FANCM: variants seen among roughly 807,000 people sequenced by gnomAD.
FANCM encodes FA complementation group M.
In FANCM, 140 loss-of-function variants were observed where a neutral mutation model predicts 199.5. The observed-to-expected ratio is 0.70, with a 90% confidence interval of 0.61 to 0.81. The LOEUF is 0.81. Ranked by LOEUF, FANCM falls within the 30% of genes least tolerant of loss-of-function variation. FANCM has a pLI of 0.00. For missense variants in FANCM, 2,410 were observed against 2,421.4 expected, an observed-to-expected ratio of 1.00 and a Z score of 0.10; for synonymous variants, 840 against 836.8, an observed-to-expected ratio of 1.00 and a Z score of -0.07.
In FANCM at chr14:45,176,882, A is replaced by G; in HGVS notation, c.4128A>G (p.Ala1376=). ...EKVNLQRFKE[A]LNSTFDYSEF... ...TAAACCTACAAAGATTCAAAGAAGC[A>G]TTGAATTCAACTTTTGATTATTCAG... Residue 1376 remains alanine (A), a synonymous_variant, in exon 14 of 23, where the codon GCA becomes GCG. Coordinates refer to ENST00000267430, the MANE Select transcript of FANCM (RefSeq NM_020937.4). The G allele has an allele frequency of 6.2e-7, 1 of 1,609,092 alleles. No individual in the cohort carries two copies. Among genetic ancestry groups the G allele is most frequent in the Non-Finnish European group, 8.5e-7 (1 of 1,176,054 alleles).
intron 19 of FANCM, among the ~76,000 whole-genome samples, chr14:45,188,315 G>A (rs1485103326): frequency 2.6e-5 from 4 of 152,106 alleles, no homozygotes; most frequent in African/African-American, 9.7e-5. Context: ...CTCCAGCCTG[G>A]GCGACAAGAG....
At chr14:45,160,387 A>G (rs969170193) in intron 9 of FANCM, among the ~76,000 whole-genome samples, 3 of 149,268 alleles carry the variant, frequency 2.0e-5, no homozygotes, top group African/African-American at 4.9e-5. Context: ...CAGTGGCCCA[A>G]TCTCGAGTCA....
chr14:45,176,535 G>A lies in FANCM; in HGVS notation c.3781G>A (p.Gly1261Arg), dbSNP rs2139251208. The change falls in exon 14 of 23, where the codon GGA becomes AGA. Residue 1261 changes from glycine to arginine, a missense_variant. By Grantham distance (125) the Gly-to-Arg change is moderately radical (BLOSUM62 -2). Transcript: ENST00000267430. ...DSNRPLDDLY[G>R]RYLEIKEISD... ...CAATAGACCTCTAGATGATCTATAT[G>A]GAAGGTATTTGGAAATTAAGGAGAT... 1 of 1,600,968 alleles carries A rather than the reference G, an allele frequency of 6.2e-7. No homozygotes were observed. Among genetic ancestry groups the A allele is most frequent in the Non-Finnish European group, 8.5e-7 (1 of 1,173,404 alleles).
rs148900115 is a variant in FANCM, at chr14:45,189,089, G to T, written c.5067G>T (p.Ala1689=). 1 of 1,613,966 alleles carries T rather than the reference G, an allele frequency of 6.2e-7. No homozygotes were observed. Among genetic ancestry groups the T allele is most frequent in the African/African-American group, 1.3e-5 (1 of 74,908 alleles). ...NVNDKRESNI[A]VNPSTVKKNK... is the part of the protein sequence containing the mutation. ...ATGATAAAAGAGAATCTAATATTGC[G>T]GTTAACCCAAGCACTGTTAAGAAGA... Residue 1689 remains alanine (A), a synonymous_variant, in exon 20 of 23, where the codon GCG becomes GCT. Coordinates refer to ENST00000267430, the MANE Select transcript of FANCM (RefSeq NM_020937.4).
chr14:45,150,986 G>C (rs1301656635), intron 4 of FANCM, among the ~76,000 whole-genome samples: 7 of 152,166 alleles, frequency 4.6e-5, no homozygotes. Flanking sequence ...AATTTATTCA[G>C]TACTTTACAA....
intron 20 of FANCM, among the ~76,000 whole-genome samples, chr14:45,192,027 A>G (rs1889797431): frequency 6.6e-6 from 1 of 151,954 alleles, no homozygotes; most frequent in Admixed American, 6.6e-5. Flanking sequence ...CCTTCATTAC[A>G]TTTATTATTC....
chr14:45,173,169 A>G lies in FANCM; in HGVS notation c.2275A>G (p.Ile759Val), dbSNP rs1431873616. 2 of 1,613,692 alleles carry G rather than the reference A, an allele frequency of 1.2e-6. No homozygotes were observed. Among genetic ancestry groups the G allele is most frequent in the Non-Finnish European group, 1.7e-6 (2 of 1,179,768 alleles). ...VDHSDRCRHF[I>V]GLMQMIEGMR... ...TCACTCAGATCGATGCCGCCATTTT[A>G]TAGGCCTTATGCAAATGATAGAGGG... Residue 759 changes from isoleucine (I) to valine (V), a missense_variant, in exon 13 of 23, where the codon ATA (isoleucine) becomes GTA (valine). Transcript: ENST00000267430.
At chr14:45,156,109 G>T (rs1887170642) in intron 8 of FANCM, among the ~76,000 whole-genome samples, 1 of 152,152 alleles carries the variant, frequency 6.6e-6, no homozygotes, top group Non-Finnish European at 1.5e-5. Context: ...GGTTATAGAA[G>T]ACTTCTCTGT....
At position 45,155,361 on chromosome 14, in the gene FANCM, G is replaced by A. The variant is rs758274929; in HGVS notation, c.1310-12G>A. Reference sequence around the variant, plus strand: ...AACAGAAAAAAATTTTGATATTTTTGTTTTGTTCCAGGAGATAAAAATAAA... The same window carrying A: ...AACAGAAAAAAATTTTGATATTTTTATTTTGTTCCAGGAGATAAAAATAAA... On this transcript the variant is annotated splice_polypyrimidine_tract_variant and intron_variant, in intron 7 of 22. Transcript: ENST00000267430. The A allele has an allele frequency of 8.7e-6, 10 of 1,154,892 alleles. No homozygotes were observed. Among genetic ancestry groups the A allele is most frequent in the South Asian group, 6.3e-5 (5 of 79,068 alleles). 71.5% of individuals were successfully genotyped at this position (1,154,892 alleles called of 1,614,324 possible).
intron 16 of FANCM, 76 bp downstream of exon 16, chr14:45,181,781 A>T (rs934980153): frequency 8.2e-6 from 7 of 848,560 alleles, no homozygotes; most frequent in Non-Finnish European, 1.4e-5. Context: ...ATATGTGTAG[A>T]TAAATATAGG....
Position 45,188,937 on chromosome 14 carries a change from A to G in FANCM, c.4915A>G (p.Lys1639Glu). The G allele has an allele frequency of 6.2e-7, 1 of 1,613,994 alleles. No individual in the cohort carries two copies. The highest frequency in any genetic ancestry group is 1.1e-5 in the South Asian group (1 of 91,050). ...LITDDCFANS[K>E]KYKTRRAVML... The stretch of plus-strand genomic sequence containing the variant: ...AACTGATGATTGCTTTGCAAATAGT[A>G]AAAAGTATAAAACTCGACGTGCAGT... Residue 1639 changes from lysine (K) to glutamate (E), a missense_variant, in exon 20 of 23, where the codon AAA becomes GAA. Coordinates refer to ENST00000267430, the MANE Select transcript of FANCM (RefSeq NM_020937.4).
At chr14:45,181,306 G>T in intron 14 of FANCM, 124 bp from the exon 15 acceptor site, 1 of 620,248 alleles carries the variant, frequency 1.6e-6, no homozygotes, top group Non-Finnish European at 2.8e-6. Flanking sequence ...ATCTTTTTTT[G>T]AAAGTGAATA....
At chr14:45,165,958 C>T (rs552583075) in intron 10 of FANCM, among the ~76,000 whole-genome samples, 3 of 151,912 alleles carry the variant, frequency 2.0e-5, no homozygotes, top group Admixed American at 6.6e-5. Flanking sequence ...TGTAGAAAAA[C>T]GAACAAACTG....
Position 45,196,102 on chromosome 14 carries a change from C to T in FANCM, c.5341-70C>T, listed in dbSNP as rs544437559. ...CATTCTCATTAAGGATAATCAACTT[C>T]GGGTGTGAGACGTTTATGGCATTTT... On this transcript the variant is annotated intron_variant, in intron 20 of 22. Coordinates refer to ENST00000267430, the MANE Select transcript of FANCM (RefSeq NM_020937.4). The T allele has an allele frequency of 1.0e-5, 15 of 1,498,898 alleles. No homozygotes were observed. In the East Asian group the frequency reaches 1.1e-4, roughly 11 times the overall value. 92.8% of individuals were successfully genotyped at this position (1,498,898 alleles called of 1,614,324 possible). A position where few individuals can be genotyped will look rare whatever the true frequency, so the allele number is the denominator to read the frequency against.
In FANCM at chr14:45,191,326, C is replaced by T. The variant is rs553624129; in HGVS notation, c.5340+1964C>T. 5.9e-5 allele frequency among the ~76,000 whole-genome samples: 9 copies of T among 152,230 alleles called. No individual in the cohort carries two copies. In the South Asian group the frequency reaches 6.2e-4, roughly 11 times the overall value. ...CTGTAATTCACACTAGTGACATTTG[C>T]GAGTGTCTCAGTATCCTAGGCTTTT... On this transcript the variant is annotated intron_variant, in intron 20 of 22. Transcript: ENST00000267430.
intron 13 of FANCM, among the ~76,000 whole-genome samples, chr14:45,173,865 C>T (rs1033542986): frequency 1.3e-5 from 2 of 152,084 alleles, no homozygotes; most frequent in South Asian, 2.1e-4. Context: ...TATTATTAGC[C>T]TTTGATCATG....
chr14:45,198,999 A>G (rs1314137922), intron 22 of FANCM, 64 bp downstream of exon 22: 7 of 1,321,112 alleles, frequency 5.3e-6, no homozygotes, highest in Non-Finnish European at 7.4e-6. Flanking sequence ...ATTCCATAGA[A>G]GTTTAATGTT....
At chr14:45,139,305 T>A (rs1885747314) in intron 2 of FANCM, among the ~76,000 whole-genome samples, 1 of 152,242 alleles carries the variant, frequency 6.6e-6, no homozygotes, top group African/African-American at 2.4e-5. Context: ...TCGATAAATA[T>A]TTTTTCAGTA....
chr14:45,194,546 C>T (rs1889954113), intron 20 of FANCM, among the ~76,000 whole-genome samples: 2 of 152,076 alleles, frequency 1.3e-5, no homozygotes, highest in Admixed American at 6.6e-5. Context: ...CTCAGGTTCA[C>T]TTAATAGTAA....
Sources: allele counts gnomAD v4.1 joint callset (sites outside exome capture counted in the v4.1 genomes callset), GRCh38; gene constraint gnomAD v4.1.1; transcripts MANE v1.5; gene names NCBI Gene and HGNC (gene_info 2026-07-23, HGNC 2026-07-21).